Variants in PDGFRB observed in about 807,000 individuals in gnomAD.
PDGFRB encodes the protein platelet-derived growth factor receptor beta.
In PDGFRB, 42 loss-of-function variants were observed where a neutral mutation model predicts 120.2. That is an observed-to-expected ratio of 0.35 (90% CI 0.27 to 0.45). PDGFRB has a LOEUF of 0.45. Ranked by LOEUF, PDGFRB falls within the 20% of genes least tolerant of loss-of-function variation. The probability of loss-of-function intolerance (pLI) is 1.00; values close to 1 mark genes in which losing one functional copy is unlikely to be tolerated. For missense variants in PDGFRB, 1,149 were observed against 1,476.3 expected (o/e 0.78, Z 3.63); for synonymous variants, 586 against 606.8 (o/e 0.97, Z 0.50).
Position 150,129,838 on chromosome 5 carries a change from C to G in PDGFRB, c.1498G>C (p.Val500Leu). The G allele has an allele frequency of 6.2e-7, 1 of 1,614,150 alleles. No homozygotes were observed. The highest frequency in any genetic ancestry group is 8.5e-7 in the Non-Finnish European group (1 of 1,180,034). The change falls in exon 10 of 23, where the codon GTG becomes CTG. Residue 500 changes from valine (V) to leucine (L), a missense_variant. By Grantham distance (32) the Val-to-Leu change is conservative. Coordinates refer to ENST00000261799, the MANE Select transcript of PDGFRB (RefSeq NM_002609.4). ...CAGCGCACCGACAGTGGCCGATCCA[C>G]GTGCTGCAGACGCAGTGTGCTCACC... ...EVVSTLRLQH[V>L]DRPLSVRCTL...
At chr5:150,119,099 G>A (rs1028500571) in intron 20 of PDGFRB, among the ~76,000 whole-genome samples, 7 of 152,310 alleles carry the variant, frequency 4.6e-5, no homozygotes, top group Middle Eastern at 3.4e-3. Flanking sequence ...GCCAACCTTC[G>A]CCAACAGTTT....
At chr5:150,151,396 G>A (rs1761073501) in intron 1 of PDGFRB, among the ~76,000 whole-genome samples, 1 of 152,182 alleles carries the variant, frequency 6.6e-6, no homozygotes, top group African/African-American at 2.4e-5. Flanking sequence ...CCACAGCTGA[G>A]GCACATTCTC....
rs534315021 is a variant in PDGFRB at position 150,126,441 on chromosome 5, T to C, written c.1674+79A>G. 5.8e-5 allele frequency: 48 copies of C among 832,050 alleles called. No homozygotes were observed. The South Asian group carries it at 6.3e-4, about 11-fold the overall frequency. The allele number at this position is 832,050 out of a possible 1,614,324, so 51.5% of individuals were successfully genotyped here. A position where few individuals can be genotyped will look rare whatever the true frequency, so the allele number is the denominator to read the frequency against. On this transcript the variant is annotated intron_variant, in intron 11 of 22. Coordinates refer to ENST00000261799, the MANE Select transcript of PDGFRB (RefSeq NM_002609.4). ...TGCATGTGGCCAGATCACGCAGCAT[T>C]CAAGGAGGGCAGAGGGGTGGAATTT... is the stretch of plus-strand genomic sequence containing the variant.
chr5:150,117,534 GCGCGCGCGCGCACACACACA>G lies in PDGFRB; in HGVS notation c.3137+64_3137+83del, dbSNP rs1480779253. 1.1e-4 allele frequency: 70 copies of G among 646,424 alleles called. No individual in the cohort carries two copies. The African/African-American group carries it at 1.9e-3, about 18-fold the overall frequency. The allele number at this position is 646,424 out of a possible 1,614,324, so 40.0% of individuals were successfully genotyped here. A position where few individuals can be genotyped will look rare whatever the true frequency, so the allele number is the denominator to read the frequency against. On this transcript the variant is annotated intron_variant, in intron 22 of 22. Transcript: ENST00000261799. ...CTCTGAGGCAAACCTGGCAGCGCGC[GCGCGCGCGCGCACACACACA>G]CACACACACACACACACACACACAC...
intron 12 of PDGFRB, among the ~76,000 whole-genome samples, 156 bp from the exon 13 acceptor site, chr5:150,124,987 C>T (rs1760256102): frequency 1.4e-5 from 2 of 147,538 alleles, no homozygotes; most frequent in East Asian, 2.1e-4. Context: ...CTAGACATTA[C>T]TTAAACCACC....
intron 20 of PDGFRB, 89 bp downstream of exon 20, chr5:150,119,377 CA>C: frequency 1.3e-6 from 1 of 786,672 alleles, no homozygotes; most frequent in Non-Finnish European, 2.3e-6. Flanking sequence ...TCTGAGCTAA[CA>C]AATCTCTCAT....
Position 150,122,892 on chromosome 5 carries a change from G to A in PDGFRB, c.2183+150C>T, listed in dbSNP as rs1580797952. 8.7e-6 allele frequency: 6 copies of A among 691,106 alleles called. No individual in the cohort carries two copies. The East Asian group carries it at 1.5e-4, about 17-fold the overall frequency. 42.8% of individuals were successfully genotyped at this position (691,106 alleles called of 1,614,324 possible). On this transcript the variant is annotated intron_variant, in intron 15 of 22. Transcript: ENST00000261799. ...TTAGTGTTATTCCCTCATCTGGGGT[G>A]GACCATCTTGTGGAACAGCCCTAGC...
intron 14 of PDGFRB, 35 bp from the exon 15 acceptor site, chr5:150,123,236 G>T: frequency 6.3e-7 from 1 of 1,575,410 alleles, no homozygotes. Flanking sequence ...AGTCCCTATG[G>T]AGGCCTCAGG....
chr5:150,146,574 C>T (rs1025548335), intron 1 of PDGFRB, among the ~76,000 whole-genome samples: 7 of 152,264 alleles, frequency 4.6e-5, no homozygotes, highest in African/African-American at 1.4e-4. Flanking sequence ...GACAGGGTCT[C>T]GCTCTGTTGC....
chr5:150,124,497 A>G, intron 13 of PDGFRB, 137 bp from the exon 14 acceptor site: 2 of 670,680 alleles, frequency 3.0e-6, no homozygotes, highest in Non-Finnish European at 5.2e-6. Flanking sequence ...GAGCACCCAC[A>G]CTCTGAGGAG....
chr5:150,143,366 T>G (rs1264993786), intron 1 of PDGFRB, among the ~76,000 whole-genome samples: 1 of 152,170 alleles, frequency 6.6e-6, no homozygotes, highest in Non-Finnish European at 1.5e-5. Context: ...AAGAGTGTCT[T>G]GGGAGCACTT....
chr5:150,143,432 G>A (rs1164735998), intron 1 of PDGFRB, among the ~76,000 whole-genome samples: 1 of 152,178 alleles, frequency 6.6e-6, no homozygotes, highest in Non-Finnish European at 1.5e-5. Flanking sequence ...CAGCTGTGCT[G>A]AGCTGGAATG....
intron 1 of PDGFRB, among the ~76,000 whole-genome samples, chr5:150,143,315 TC>T (rs1165729101): frequency 1.3e-5 from 2 of 152,250 alleles, no homozygotes; most frequent in African/African-American, 4.8e-5. Flanking sequence ...GTCCTGACCC[TC>T]TCTGAGCCTC....
chr5:150,135,042 A>G (rs1369380108), intron 3 of PDGFRB, 26 bp from the exon 4 acceptor site: 1 of 1,271,440 alleles, frequency 7.9e-7, no homozygotes, highest in South Asian at 1.3e-5. Flanking sequence ...CCGTGAATAA[A>G]TCAGGGGAAC....
At position 150,117,603 on chromosome 5, in the gene PDGFRB, G is replaced by A. The variant is rs372374452; in HGVS notation, c.3137+15C>T. The stretch of plus-strand genomic sequence containing the variant: ...ACTGTGCACAATTTCCTTGGCCCCA[G>A]GCCAGGGTGGTTACCTGGCTAGGCT... On this transcript the variant is annotated intron_variant, in intron 22 of 22. Transcript: ENST00000261799. 12 of 1,447,692 alleles carry A rather than the reference G, an allele frequency of 8.3e-6. No individual in the cohort carries two copies. The African/African-American group carries it at 1.3e-4, about 15-fold the overall frequency. The allele number at this position is 1,447,692 out of a possible 1,614,324, so 89.7% of individuals were successfully genotyped here.
chr5:150,124,241 G>T lies in PDGFRB; in HGVS notation c.2023+9C>A, dbSNP rs757081886. 4 of 1,596,402 alleles carry T rather than the reference G, an allele frequency of 2.5e-6. No homozygotes were observed. The South Asian group carries it at 3.3e-5, about 13-fold the overall frequency. ...TTCCCTGAGGCCTCTGGGGCAGTGG[G>T]CTCGGTACCTCCTTTGGTGCAGGCC... On this transcript the variant is annotated intron_variant, in intron 14 of 22. Coordinates refer to ENST00000261799, the MANE Select transcript of PDGFRB (RefSeq NM_002609.4).
chr5:150,129,016 T>C (rs1265608403), intron 10 of PDGFRB, among the ~76,000 whole-genome samples: 1 of 152,206 alleles, frequency 6.6e-6, no homozygotes, highest in Non-Finnish European at 1.5e-5. Flanking sequence ...CTGGTAGGCA[T>C]TGTTCATACG....
At chr5:150,117,987 G>A (rs1263562870) in intron 21 of PDGFRB, 137 bp from the exon 22 acceptor site, 3 of 624,212 alleles carry the variant, frequency 4.8e-6, no homozygotes, top group Non-Finnish European at 2.9e-6. Flanking sequence ...ATTTGCCCAA[G>A]CCACATGGTT....
In PDGFRB at chr5:150,115,289, G is replaced by T. The variant is rs1236267667; in HGVS notation, c.*474C>A. 1.7e-5 allele frequency: 4 copies of T among 233,242 alleles called. No individual in the cohort carries two copies. The highest frequency in any genetic ancestry group is 8.8e-5 in the African/African-American group (4 of 45,298). 14.4% of individuals were successfully genotyped at this position (233,242 alleles called of 1,614,324 possible). ...TCAGCCAGCAGCCAGGGAGGCTAGG[G>T]TCTCTTCCCTAGCTCCTGGGTGGAT... is the stretch of plus-strand genomic sequence containing the variant. On this transcript the variant is annotated 3_prime_UTR_variant, in exon 23 of 23. Coordinates refer to ENST00000261799, the MANE Select transcript of PDGFRB (RefSeq NM_002609.4).
Sources: allele counts gnomAD v4.1 joint callset (sites outside exome capture counted in the v4.1 genomes callset), GRCh38; gene constraint gnomAD v4.1.1; transcripts MANE v1.5; gene names NCBI Gene and HGNC (gene_info 2026-07-23, HGNC 2026-07-21).